SKAP2: variants seen among roughly 807,000 people sequenced by gnomAD.
SKAP2 encodes the protein src kinase associated phosphoprotein 2.
SKAP2 carries 28 observed loss-of-function variants against 54.9 expected under a neutral mutation model. The ratio of observed to expected loss-of-function variants is 0.51; its 90% CI spans 0.38 to 0.70. The LOEUF is 0.70. SKAP2 is among the 30% of genes least tolerant of loss of function. The pLI, the probability that SKAP2 is intolerant of heterozygous loss-of-function variation, is 0.00. For synonymous variants in SKAP2, 137 were observed against 134.3 expected, an observed-to-expected ratio of 1.02 and a Z score of -0.14; for missense variants, 356 against 424.1, an observed-to-expected ratio of 0.84 and a Z score of 1.41.
intron 4 of SKAP2, among the ~76,000 whole-genome samples, chr7:26,740,798 C>T (rs1234310795): frequency 6.6e-6 from 1 of 151,906 alleles, no homozygotes; most frequent in Non-Finnish European, 1.5e-5. Context: ...CCAGCCTGGC[C>T]AACACAGTGA....
In SKAP2 at chr7:26,725,459, T is replaced by C. The variant is rs2127955813; in HGVS notation, c.765A>G (p.Pro255=). 1 of 1,611,654 alleles carries C rather than the reference T, an allele frequency of 6.2e-7. No homozygotes were observed. The highest frequency in any genetic ancestry group is 1.1e-5 in the South Asian group (1 of 90,722). The stretch of plus-strand genomic sequence containing the variant: ...GTTCTTCATAAATTTCATCATCTAT[T>C]GGTTGACTGCTTGTTAGTGGATTGC... The part of the protein sequence containing the change: ...PISNPLTSSQ[P]IDDEIYEELP... Residue 255 remains proline, a synonymous_variant, in exon 9 of 13, where the codon CCA becomes CCG. Transcript: ENST00000345317.
intron 6 of SKAP2, among the ~76,000 whole-genome samples, chr7:26,735,406 C>T (rs1195437470): frequency 6.6e-6 from 1 of 151,978 alleles, no homozygotes; most frequent in Non-Finnish European, 1.5e-5. Context: ...ACTTAAGGGT[C>T]CCAAATGGCT....
intron 11 of SKAP2, among the ~76,000 whole-genome samples, chr7:26,671,747 G>T (rs1171593731): frequency 6.6e-6 from 1 of 151,960 alleles, no homozygotes; most frequent in African/African-American, 2.4e-5. Flanking sequence ...GCTGTATAAG[G>T]AACGAGGATA....
chr7:26,769,316 G>A (rs1783129559), intron 4 of SKAP2, among the ~76,000 whole-genome samples: 3 of 152,158 alleles, frequency 2.0e-5, no homozygotes. Context: ...GGTCATTTAT[G>A]TTCTTCTCCA....
intron 4 of SKAP2, among the ~76,000 whole-genome samples, chr7:26,758,639 C>T (rs1256520437): frequency 1.3e-5 from 2 of 152,164 alleles, no homozygotes; most frequent in Non-Finnish European, 2.9e-5. Flanking sequence ...TACAACTCAA[C>T]TCACTGAAAA....
chr7:26,658,347 A>G, the SKAP2 span, among the ~76,000 whole-genome samples: 7 of 152,298 alleles, frequency 4.6e-5, 1 homozygote, highest in East Asian at 1.9e-4. Flanking sequence ...CACTTCCCCA[A>G]TGCCTTTTTG....
intron 9 of SKAP2, among the ~76,000 whole-genome samples, chr7:26,716,093 G>A (rs1787428292): frequency 6.6e-6 from 1 of 152,094 alleles, no homozygotes; most frequent in South Asian, 2.1e-4. Flanking sequence ...ATTATTCTAT[G>A]TGTACTGAAT....
At position 26,766,669 on chromosome 7, in the gene SKAP2, T is replaced by A. The variant is rs1047591847; in HGVS notation, c.308-26705A>T. 5.9e-5 allele frequency among the ~76,000 whole-genome samples: 9 copies of A among 152,074 alleles called. No individual in the cohort carries two copies. The East Asian group carries it at 1.7e-3, about 29-fold the overall frequency. On this transcript the variant is annotated intron_variant, in intron 4 of 12. Coordinates refer to ENST00000345317, the MANE Select transcript of SKAP2 (RefSeq NM_003930.5). ...CCATCAGTACCTATTTTATTGAGAG[T>A]TTTTAGCATGAAGGGCTGTTTTTAT...
chr7:26,864,055 T>TCACACACTCACACACACACACACA lies in SKAP2; in HGVS notation c.67+307_67+308insTGTGTGTGTGTGTGTGAGTGTGTG, dbSNP rs1554310124. Among the ~76,000 whole-genome samples the TCACACACTCACACACACACACACA allele has an allele frequency of 5.5e-3, 788 of 143,408 alleles. 7 individuals carry two copies. The highest frequency in any genetic ancestry group is 0.02 in the African/African-American group (754 of 38,052). The allele number at this position is 143,408 out of a possible 152,430, so 94.1% of individuals were successfully genotyped here. A position where few individuals can be genotyped will look rare whatever the true frequency, so the allele number is the denominator to read the frequency against. Reference sequence around the variant, plus strand: ...CCACTCTTCCTCCCCCGCCCTTCTGTCACACACACACACACACACACACAC... The same window carrying TCACACACTCACACACACACACACA: ...CCACTCTTCCTCCCCCGCCCTTCTGTCACACACTCACACACACACACACACACACACACACACACACACACACAC... On this transcript the variant is annotated intron_variant, in intron 1 of 12. Coordinates refer to ENST00000345317, the MANE Select transcript of SKAP2 (RefSeq NM_003930.5).
At chr7:26,762,899 A>G (rs551722047) in intron 4 of SKAP2, among the ~76,000 whole-genome samples, 13 of 152,350 alleles carry the variant, frequency 8.5e-5, no homozygotes, top group African/African-American at 3.1e-4. Context: ...TTACATGTAT[A>G]GCCAGAGAAC....
At chr7:26,860,066 G>T (rs1263726382) in intron 1 of SKAP2, among the ~76,000 whole-genome samples, 1 of 152,122 alleles carries the variant, frequency 6.6e-6, no homozygotes, top group African/African-American at 2.4e-5. Flanking sequence ...GGTAACAGGA[G>T]CAATAAGCCC....
intron 4 of SKAP2, among the ~76,000 whole-genome samples, chr7:26,744,409 T>A (rs1439172882): frequency 6.6e-6 from 1 of 151,972 alleles, no homozygotes; most frequent in Non-Finnish European, 1.5e-5. Context: ...CATTACTGTA[T>A]TTAGGACAAA....
chr7:26,757,680 C>G (rs905646196), intron 4 of SKAP2, among the ~76,000 whole-genome samples: 1 of 152,106 alleles, frequency 6.6e-6, no homozygotes, highest in Non-Finnish European at 1.5e-5. Context: ...TCCATATGAA[C>G]TTTAAAGTAG....
chr7:26,671,147 A>C (rs1786228090), intron 11 of SKAP2, among the ~76,000 whole-genome samples: 1 of 152,096 alleles, frequency 6.6e-6, no homozygotes, highest in Non-Finnish European at 1.5e-5. Flanking sequence ...TTTTTATCTC[A>C]AATTTATTTA....
At chr7:26,703,171 G>A (rs1482138071) in intron 9 of SKAP2, among the ~76,000 whole-genome samples, 2 of 152,220 alleles carry the variant, frequency 1.3e-5, no homozygotes, top group East Asian at 3.9e-4. Context: ...GGCCACCCCA[G>A]AAGAAGAAGA....
In SKAP2 at chr7:26,725,908, A is replaced by G. The variant is rs769868011; in HGVS notation, c.658+15T>C. The G allele has an allele frequency of 6.9e-6, 11 of 1,595,278 alleles. No individual in the cohort carries two copies. The highest frequency in any genetic ancestry group is 1.3e-5 in the African/African-American group (1 of 74,574). On this transcript the variant is annotated intron_variant, in intron 8 of 12. Transcript: ENST00000345317. ...TTTAAAGACTGTGATAACTTGTTCG[A>G]TTGATTTATCTTACCTTGCAATACA...
At chr7:26,698,694 A>G (rs543685152) in intron 9 of SKAP2, among the ~76,000 whole-genome samples, 4 of 152,324 alleles carry the variant, frequency 2.6e-5, no homozygotes, top group African/African-American at 7.2e-5. Flanking sequence ...TTTTTTATTC[A>G]TGGAACACCA....
At chr7:26,835,855 C>G (rs897315801) in intron 4 of SKAP2, among the ~76,000 whole-genome samples, 1 of 151,946 alleles carries the variant, frequency 6.6e-6, no homozygotes, top group Non-Finnish European at 1.5e-5. Context: ...AAATTTCATA[C>G]GGAACCAAAA....
At chr7:26,755,578 T>C (rs1018578968) in intron 4 of SKAP2, among the ~76,000 whole-genome samples, 1 of 152,164 alleles carries the variant, frequency 6.6e-6, no homozygotes, top group African/African-American at 2.4e-5. Flanking sequence ...TATTGATTTG[T>C]AGTGTTTCCT....
Sources: gnomAD v4.1 joint callset for allele counts (sites outside exome capture counted in the v4.1 genomes callset) on GRCh38, gnomAD v4.1.1 for gene constraint, MANE v1.5 for transcripts, NCBI Gene and HGNC (gene_info 2026-07-23, HGNC 2026-07-21) for gene names.